Variants in TIGAR observed in about 807,000 individuals in gnomAD.
The protein encoded by TIGAR is fructose-2,6-bisphosphatase TIGAR.
A neutral mutation model predicts 17.9 loss-of-function variants in TIGAR; 7 were observed. The ratio of observed to expected loss-of-function variants is 0.39; its 90% confidence interval spans 0.22 to 0.73. The LOEUF is 0.73. TIGAR is among the 30% of genes least tolerant of loss of function. The pLI is 0.42. For missense variants in TIGAR, 258 were observed against 327.4 expected (o/e 0.79, Z 1.64); for synonymous variants, 94 against 108.6 (o/e 0.87, Z 0.84).
chr12:4,338,023 G>A (rs937051902), intron 3 of TIGAR, among the ~76,000 whole-genome samples: 3 of 152,132 alleles, frequency 2.0e-5, no homozygotes, highest in Non-Finnish European at 4.4e-5. Context: ...CCAGCTACTT[G>A]GGAGGCTGAG....
chr12:4,325,741 CAAAAAAA>C (rs11447841), intron 1 of TIGAR, among the ~76,000 whole-genome samples: 2 of 111,850 alleles, frequency 1.8e-5, no homozygotes, highest in African/African-American at 6.9e-5. Flanking sequence ...AAACTCGTCT[CAAAAAAA>C]AAAAAAAAAA....
chr12:4,357,640 T>C lies in TIGAR; in HGVS notation c.*4949T>C, dbSNP rs1344400080. Among the ~76,000 whole-genome samples, 3 of 152,154 alleles carry C rather than the reference T, an allele frequency of 2.0e-5. No homozygotes were observed. The highest frequency in any genetic ancestry group is 2.1e-4 in the South Asian group (1 of 4,834). On this transcript the variant is annotated 3_prime_UTR_variant, in exon 6 of 6. Coordinates refer to ENST00000179259, the MANE Select transcript of TIGAR (RefSeq NM_020375.3). Reference sequence around the variant, plus strand: ...GTAACTACCAGTGCTTTAAAAACTTTAGGATTTCCCCCCACAGTTCTCAAT... The same window carrying C: ...GTAACTACCAGTGCTTTAAAAACTTCAGGATTTCCCCCCACAGTTCTCAAT...
In TIGAR at chr12:4,340,077, A is replaced by G. The variant is rs553306580; in HGVS notation, c.192+2917A>G. Among the ~76,000 whole-genome samples, 6 of 152,240 alleles carry G rather than the reference A, an allele frequency of 3.9e-5. No individual in the cohort carries two copies. The South Asian group carries it at 1.0e-3, about 26-fold the overall frequency. On this transcript the variant is annotated intron_variant, in intron 3 of 5. Transcript: ENST00000179259. ...TGGAAGTCTTAGCTGGAGCAATCAG[A>G]CAAGAGAAAGGAATAACATTTAAAT...
At chr12:4,349,196 C>T (rs576368442) in intron 3 of TIGAR, among the ~76,000 whole-genome samples, 32 of 152,170 alleles carry the variant, frequency 2.1e-4, no homozygotes, top group Admixed American at 1.2e-3. Context: ...TTCAAGTCTG[C>T]GGTAATAGCA....
chr12:4,346,193 T>C (rs1454011397), intron 3 of TIGAR, among the ~76,000 whole-genome samples: 1 of 152,220 alleles, frequency 6.6e-6, no homozygotes, highest in Admixed American at 6.5e-5. Flanking sequence ...TGGAAGACAG[T>C]GTGGCAATTC....
At chr12:4,324,716 G>T (rs1449106197) in intron 1 of TIGAR, 2 of 765,126 alleles carry the variant, frequency 2.6e-6, no homozygotes, top group Non-Finnish European at 4.1e-6. Context: ...TGCGTCAGCT[G>T]CTCGCAGGAC....
rs761064719 is a variant in TIGAR at position 4,321,257 on chromosome 12, C to T, written c.-15C>T. 5 of 1,600,712 alleles carry T rather than the reference C, an allele frequency of 3.1e-6. No individual in the cohort carries two copies. Among genetic ancestry groups the T allele is most frequent in the Non-Finnish European group, 2.5e-6 (3 of 1,179,788 alleles). On this transcript the variant is annotated 5_prime_UTR_variant, in exon 1 of 6. The change creates a new upstream start codon in the 5' untranslated region. Coordinates refer to ENST00000179259, the MANE Select transcript of TIGAR (RefSeq NM_020375.3). This position sits in a 1 kb window ranked among gnomAD's most constrained non-coding sequence, Gnocchi z 5.2. ...GCGCGGCGCGGGGCCACCGACGGGA[C>T]GCGGCTCCGGGAACATGGCTCGCTT...
rs867378592 is a variant in TIGAR at position 4,344,762 on chromosome 12, C to G, written c.193-5057C>G. On this transcript the variant is annotated intron_variant, in intron 3 of 5. Transcript: ENST00000179259. ...TTCAACATAGTGTTGGAAGTTCTGG[C>G]CAGGGCAATCAGGCAGGAGAAAGAA... 3.9e-4 allele frequency among the ~76,000 whole-genome samples: 60 copies of G among 152,190 alleles called. 1 individual carries two copies. Among genetic ancestry groups the G allele is most frequent in the African/African-American group, 1.4e-3 (58 of 41,524 alleles).
intron 1 of TIGAR, among the ~76,000 whole-genome samples, chr12:4,325,431 A>AAAGATACCT (rs1240284379): frequency 6.6e-6 from 1 of 152,186 alleles, no homozygotes; most frequent in Admixed American, 6.5e-5. Context: ...ATAAAAGTAT[A>AAAGATACCT]AAGATACCTT....
At chr12:4,334,004 G>T (rs1317193989) in intron 2 of TIGAR, among the ~76,000 whole-genome samples, 2 of 151,228 alleles carry the variant, frequency 1.3e-5, no homozygotes, top group Non-Finnish European at 2.9e-5. Context: ...TCTTTTTATA[G>T]TCTTTCTTTT....
At chr12:4,343,977 C>T (rs958969752) in intron 3 of TIGAR, among the ~76,000 whole-genome samples, 10 of 151,886 alleles carry the variant, frequency 6.6e-5, no homozygotes, top group East Asian at 1.9e-4. Context: ...ATTGATAGAC[C>T]GCTAGCAAGA....
intron 2 of TIGAR, among the ~76,000 whole-genome samples, chr12:4,336,206 C>T (rs1161325008): frequency 1.3e-5 from 2 of 152,198 alleles, no homozygotes; most frequent in African/African-American, 2.4e-5. Context: ...TATTTTACCA[C>T]AGGCCTGAGG....
At position 4,352,660 on chromosome 12, in the gene TIGAR, A is replaced by G. The variant is rs1864850304; in HGVS notation, c.782A>G (p.Asp261Gly). Residue 261 changes from aspartate (D) to glycine (G), a missense_variant, in exon 6 of 6, where the codon GAT becomes GGT. Physicochemically the swap from Asp to Gly is moderately conservative, Grantham distance 94. Transcript: ENST00000179259. Reference protein sequence around the residue: ...TVQCICMNLQDHLNGLTETR With the variant: ...TVQCICMNLQGHLNGLTETR ...CAGTGTATTTGTATGAACCTACAGG[A>G]TCATCTAAATGGACTGACTGAAACT... is the stretch of plus-strand genomic sequence containing the variant. 2 of 1,603,026 alleles carry G rather than the reference A, an allele frequency of 1.2e-6. No individual in the cohort carries two copies. Among genetic ancestry groups the G allele is most frequent in the African/African-American group, 1.3e-5 (1 of 75,058 alleles).
Position 4,324,736 on chromosome 12 carries a change from C to A in TIGAR, c.32+3433C>A. 8 of 423,522 alleles carry A rather than the reference C, an allele frequency of 1.9e-5. No individual in the cohort carries two copies. In the South Asian group the frequency reaches 2.2e-4, roughly 12 times the overall value. 26.2% of individuals were successfully genotyped at this position (423,522 alleles called of 1,614,324 possible). A position where few individuals can be genotyped will look rare whatever the true frequency, so the allele number is the denominator to read the frequency against. On this transcript the variant is annotated intron_variant, in intron 1 of 5. Transcript: ENST00000179259. The stretch of plus-strand genomic sequence containing the variant: ...CAGCTGCTCGCAGGACACGTCCCGT[C>A]CCGCAGCTGGTCCAAGTCTGTGCCG...
chr12:4,357,936 C>T lies in TIGAR; in HGVS notation c.*5245C>T, dbSNP rs6489535. 0.81 allele frequency among the ~76,000 whole-genome samples: 123,322 copies of T among 151,498 alleles called. 52,401 individuals carry two copies. Among genetic ancestry groups the T allele is most frequent in the Non-Finnish European group, 0.94 (63,711 of 67,922 alleles). On this transcript the variant is annotated 3_prime_UTR_variant, in exon 6 of 6. Coordinates refer to ENST00000179259, the MANE Select transcript of TIGAR (RefSeq NM_020375.3). ...GGCTAACACAGTGAAACCTCGTCTC[C>T]ACTGAAAAATAGAAAAAATTAGCCA... is the stretch of plus-strand genomic sequence containing the variant.
Position 4,352,250 on chromosome 12 carries a change from TTTC to T in TIGAR, c.382-7_382-5del. 6.3e-7 allele frequency: 1 copy of T among 1,596,084 alleles called. No individual in the cohort carries two copies. The highest frequency in any genetic ancestry group is 8.5e-7 in the Non-Finnish European group (1 of 1,171,776). ...TCACTTTATTTTGACTTTTATTTCT[TTTC>T]TTGTAGGTGAAAATGCGTGGAATAG... On this transcript the variant is annotated splice_polypyrimidine_tract_variant and splice_region_variant and intron_variant, in intron 5 of 5. Coordinates refer to ENST00000179259, the MANE Select transcript of TIGAR (RefSeq NM_020375.3).
intron 1 of TIGAR, among the ~76,000 whole-genome samples, chr12:4,328,989 G>C (rs1864576196): frequency 1.3e-5 from 2 of 152,012 alleles, no homozygotes; most frequent in Non-Finnish European, 2.9e-5. Context: ...CCAACCAATA[G>C]GTGGCCACAT....
intron 1 of TIGAR, chr12:4,324,726 C>G (rs924922041): frequency 1.6e-6 from 1 of 643,342 alleles, no homozygotes; most frequent in Non-Finnish European, 2.6e-6. Context: ...GCTCGCAGGA[C>G]ACGTCCCGTC....
rs773143027 is a variant in TIGAR at position 4,349,916 on chromosome 12, A to G, written c.270+20A>G. 2.0e-6 allele frequency: 3 copies of G among 1,508,714 alleles called. No individual in the cohort carries two copies. Among genetic ancestry groups the G allele is most frequent in the East Asian group, 2.5e-5 (1 of 39,748 alleles). 93.5% of individuals were successfully genotyped at this position (1,508,714 alleles called of 1,614,324 possible). ...GAAAGGGTGAGTAACTTATTTACAT[A>G]TTGTTCTTCCCCATAAATTATCAGT... On this transcript the variant is annotated intron_variant, in intron 4 of 5. Coordinates refer to ENST00000179259, the MANE Select transcript of TIGAR (RefSeq NM_020375.3).
Sources: allele counts gnomAD v4.1 joint callset (sites outside exome capture counted in the v4.1 genomes callset), GRCh38; gene constraint gnomAD v4.1.1; non-coding constraint Gnocchi (gnomAD v3.1); transcripts MANE v1.5; gene names NCBI Gene and HGNC (gene_info 2026-07-23, HGNC 2026-07-21).